MCMDC2: variants seen among roughly 807,000 people sequenced by gnomAD.
The protein encoded by MCMDC2 is minichromosome maintenance domain containing 2.
MCMDC2 carries 54 observed loss-of-function variants against 75.8 expected under a neutral mutation model. The observed-to-expected ratio is 0.71, with a 90% confidence interval of 0.57 to 0.89. The LOEUF (loss-of-function observed/expected upper bound fraction) is 0.89. Ranked by LOEUF, MCMDC2 falls within the 40% of genes least tolerant of loss-of-function variation. MCMDC2 has a pLI of 0.00. For missense variants in MCMDC2, 656 were observed against 780.4 expected (o/e 0.84, Z 1.90); for synonymous variants, 249 against 274.6 (o/e 0.91, Z 0.92).
downstream of MCMDC2, among the ~76,000 whole-genome samples, chr8:66,923,780 C>T (rs1384368752): frequency 6.6e-6 from 1 of 151,916 alleles, no homozygotes; most frequent in African/African-American, 2.4e-5. Flanking sequence ...CCTAGCTACT[C>T]GGGAGGCTGA....
chr8:66,888,671 A>G (rs951390924), intron 9 of MCMDC2, among the ~76,000 whole-genome samples: 1 of 152,226 alleles, frequency 6.6e-6, no homozygotes, highest in African/African-American at 2.4e-5. Flanking sequence ...ATTGTTTGCT[A>G]TGAATATATA....
At chr8:66,893,488 C>A (rs1812206814) in intron 10 of MCMDC2, among the ~76,000 whole-genome samples, 1 of 152,204 alleles carries the variant, frequency 6.6e-6, no homozygotes, top group South Asian at 2.1e-4. Context: ...GCCTTACAAT[C>A]ATGGTAGAGT....
At chr8:66,922,386 C>T, downstream of MCMDC2, 1 of 434,314 alleles carries the variant, frequency 2.3e-6, no homozygotes, top group Admixed American at 2.4e-5. Flanking sequence ...CTACAGCAAC[C>T]TATATGCTAA....
At chr8:66,918,824 T>C in intron 14 of MCMDC2, among the ~76,000 whole-genome samples, 179 bp from the exon 15 acceptor site, 1 of 152,336 alleles carries the variant, frequency 6.6e-6, no homozygotes, top group South Asian at 2.1e-4. Flanking sequence ...TAATGATTAT[T>C]GAAATACTCT....
At chr8:66,877,781 C>T (rs988086096) in intron 5 of MCMDC2, among the ~76,000 whole-genome samples, 2 of 150,374 alleles carry the variant, frequency 1.3e-5, no homozygotes, top group South Asian at 2.1e-4. Flanking sequence ...GGGAGGATTG[C>T]TTGGGCCAGG....
At chr8:66,879,637 T>C (rs1304167675) in intron 7 of MCMDC2, among the ~76,000 whole-genome samples, 1 of 152,214 alleles carries the variant, frequency 6.6e-6, no homozygotes, top group Non-Finnish European at 1.5e-5. Context: ...TTATAAATTA[T>C]AAATGGCACT....
intron 14 of MCMDC2, among the ~76,000 whole-genome samples, chr8:66,908,029 C>T (rs1349073267): frequency 6.6e-6 from 1 of 152,130 alleles, no homozygotes; most frequent in Non-Finnish European, 1.5e-5. Flanking sequence ...TGCCTGTTCA[C>T]TCTGATGATA....
chr8:66,887,354 CA>C (rs1006719191), intron 9 of MCMDC2, among the ~76,000 whole-genome samples: 88 of 142,206 alleles, frequency 6.2e-4, no homozygotes, highest in Non-Finnish European at 2.6e-4. Context: ...GGCTGGCCAA[CA>C]TGGTGAAACC....
chr8:66,906,548 T>C (rs1012363963), intron 14 of MCMDC2, among the ~76,000 whole-genome samples: 3 of 152,078 alleles, frequency 2.0e-5, no homozygotes, highest in Non-Finnish European at 4.4e-5. Flanking sequence ...GTGTGCCTTA[T>C]ACATTTTTTT....
chr8:66,901,275 T>G lies in MCMDC2; in HGVS notation c.1696T>G (p.Tyr566Asp), dbSNP rs769922910. The G allele has an allele frequency of 6.2e-7, 1 of 1,614,148 alleles. No individual in the cohort carries two copies. The highest frequency in any genetic ancestry group is 8.5e-7 in the Non-Finnish European group (1 of 1,179,998). ...AGCAGAAAGAATGACCCATGGCTAT[T>G]ATCTAGCAAGTCGCAGAATCAGAAC... ...LEAERMTHGY[Y>D]LASRRIRTGS... The change falls in exon 13 of 15, where the codon TAT becomes GAT. Residue 566 changes from tyrosine to aspartate, a missense_variant. Transcript: ENST00000422365.
At position 66,877,545 on chromosome 8, in the gene MCMDC2, G is replaced by A. The variant is rs1811350624; in HGVS notation, c.481+1G>A. On this transcript the variant is annotated splice_donor_variant, in intron 5 of 14. Transcript: ENST00000422365. LOFTEE classifies it high-confidence loss of function. ...GATGAAGCATGCCCTCTTTCAAAAG[G>A]TAAATGTTAAATAGGAAAATCAAAG... 4.4e-6 allele frequency: 7 copies of A among 1,591,724 alleles called. No individual in the cohort carries two copies. The highest frequency in any genetic ancestry group is 6.0e-6 in the Non-Finnish European group (7 of 1,171,884).
Position 66,920,965 on chromosome 8 carries a change from CAA to C in MCMDC2, c.*1798_*1799del, listed in dbSNP as rs891146673. 1 of 151,994 alleles carries C rather than the reference CAA, an allele frequency of 6.6e-6. No individual in the cohort carries two copies. The highest frequency in any genetic ancestry group is 2.4e-5 in the African/African-American group (1 of 41,360). 9.4% of individuals were successfully genotyped at this position (151,994 alleles called of 1,614,324 possible). ...CAGGAGTGAGCCACCATGCATGGCACAAAGATGGCTTTTATTTACTTATCTAT... is the reference window on the plus strand; with the variant it reads ...CAGGAGTGAGCCACCATGCATGGCACAGATGGCTTTTATTTACTTATCTAT... On this transcript the variant is annotated 3_prime_UTR_variant, in exon 15 of 15. Coordinates refer to ENST00000422365, the MANE Select transcript of MCMDC2 (RefSeq NM_173518.5).
Position 66,874,341 on chromosome 8 carries a change from A to G in MCMDC2, c.110A>G (p.Tyr37Cys), listed in dbSNP as rs2130787384. The change falls in exon 3 of 15, where the codon TAT becomes TGT. Residue 37 changes from tyrosine to cysteine, a missense_variant. Tyr to Cys is a radical substitution (Grantham distance 194, BLOSUM62 -2). Coordinates refer to ENST00000422365, the MANE Select transcript of MCMDC2 (RefSeq NM_173518.5). ...ATTTTCATAGATTCAAAACAAAGCT[A>G]TGCTGTCTATCGATTCAAAATTTTA... ...CKYYNDSKQS[Y>C]AVYRFKILIN... 17 of 1,612,206 alleles carry G rather than the reference A, an allele frequency of 1.1e-5. No homozygotes were observed. The highest frequency in any genetic ancestry group is 1.4e-5 in the Non-Finnish European group (16 of 1,179,534).
intron 12 of MCMDC2, among the ~76,000 whole-genome samples, chr8:66,898,624 CAAAAAAAAA>C: frequency 1.7e-5 from 1 of 58,622 alleles, no homozygotes; most frequent in East Asian, 5.7e-4. Flanking sequence ...AACTCCGTCT[CAAAAAAAAA>C]AAAAAAAAAA....
chr8:66,899,785 C>T (rs1016379115), intron 12 of MCMDC2, among the ~76,000 whole-genome samples: 28 of 151,372 alleles, frequency 1.8e-4, no homozygotes, highest in Admixed American at 3.3e-4. Flanking sequence ...TGTGAGCCAC[C>T]GTGCCCAGCT....
At chr8:66,913,667 T>TA (rs750213836) in intron 14 of MCMDC2, among the ~76,000 whole-genome samples, 7 of 151,980 alleles carry the variant, frequency 4.6e-5, no homozygotes, top group Non-Finnish European at 7.4e-5. Context: ...GAATAGACAT[T>TA]AAAAAGTGAA....
chr8:66,879,358 C>T (rs183092254), intron 7 of MCMDC2, among the ~76,000 whole-genome samples: 3 of 152,232 alleles, frequency 2.0e-5, no homozygotes, highest in Admixed American at 2.0e-4. Context: ...TTTGAGAGGC[C>T]TAGGATGGTA....
chr8:66,896,835 G>C lies in MCMDC2; in HGVS notation c.1502G>C (p.Cys501Ser). ...LVEAFGLLIN[C>S]NESSPCHPFL... Reference sequence around the variant, plus strand: ...GAGGCATTTGGTTTATTGATTAACTGCAACGAGTCATCTCCCTGCCACCCA... The same window carrying C: ...GAGGCATTTGGTTTATTGATTAACTCCAACGAGTCATCTCCCTGCCACCCA... The change falls in exon 12 of 15, where the codon TGC (cysteine) becomes TCC (serine). Residue 501 changes from cysteine (C) to serine (S), a missense_variant. Physicochemically the swap from Cys to Ser is moderately radical, Grantham distance 112 (BLOSUM62 -1). Coordinates refer to ENST00000422365, the MANE Select transcript of MCMDC2 (RefSeq NM_173518.5). The C allele has an allele frequency of 6.2e-7, 1 of 1,613,324 alleles. No homozygotes were observed. The highest frequency in any genetic ancestry group is 1.1e-5 in the South Asian group (1 of 90,946).
At chr8:66,925,108 G>A (rs1563398752), downstream of MCMDC2, among the ~76,000 whole-genome samples, 1 of 152,218 alleles carries the variant, frequency 6.6e-6, no homozygotes, top group South Asian at 2.1e-4. Context: ...AGACCGGGTG[G>A]AGCACGAAGC....
Sources: gnomAD v4.1 joint callset for allele counts (sites outside exome capture counted in the v4.1 genomes callset) on GRCh38, gnomAD v4.1.1 for gene constraint, MANE v1.5 for transcripts, NCBI Gene and HGNC (gene_info 2026-07-23, HGNC 2026-07-21) for gene names.